CLASP1: variants seen among roughly 807,000 people sequenced by gnomAD.
CLASP1 encodes the protein CLIP-associating protein 1.
In CLASP1, 38 loss-of-function variants were observed where a neutral mutation model predicts 192.3. That is an observed-to-expected ratio of 0.20 (90% CI 0.15 to 0.26). The LOEUF (loss-of-function observed/expected upper bound fraction) is 0.26, where lower values mean the gene tolerates loss of function less well. Ranked by LOEUF, CLASP1 falls within the 10% of genes least tolerant of loss-of-function variation. The probability of loss-of-function intolerance (pLI) is 1.00; values close to 1 mark genes in which losing one functional copy is unlikely to be tolerated. For missense variants in CLASP1, 1,433 were observed against 1,932.5 expected (o/e 0.74, Z 4.85); for synonymous variants, 691 against 712.8 (o/e 0.97, Z 0.49).
At chr2:121,483,383 A>T (rs551077394) in intron 8 of CLASP1, among the ~76,000 whole-genome samples, 1 of 152,250 alleles carries the variant, frequency 6.6e-6, no homozygotes, top group African/African-American at 2.4e-5. Context: ...ATAAGTTCTT[A>T]CTTTAGGAAT....
At chr2:121,520,605 A>G (rs7608301) in intron 6 of CLASP1, among the ~76,000 whole-genome samples, 30,861 of 152,230 alleles carry the variant, frequency 0.2, 5,845 homozygotes, top group African/African-American at 0.5. Flanking sequence ...ACCAAACTCA[A>G]CAAGAGGGCC....
At chr2:121,369,451 T>C (rs1011762008) in intron 34 of CLASP1, among the ~76,000 whole-genome samples, 1 of 151,910 alleles carries the variant, frequency 6.6e-6, no homozygotes, top group African/African-American at 2.4e-5. Flanking sequence ...ACCATTATAA[T>C]GAAAAATTAT....
chr2:121,366,508 C>T (rs2067438877), intron 35 of CLASP1, among the ~76,000 whole-genome samples: 1 of 152,156 alleles, frequency 6.6e-6, no homozygotes, highest in Non-Finnish European at 1.5e-5. Flanking sequence ...TTCTTTGTGC[C>T]CCGACTGGAT....
intron 20 of CLASP1, among the ~76,000 whole-genome samples, chr2:121,428,006 A>G (rs900266150): frequency 6.6e-6 from 1 of 152,224 alleles, no homozygotes; most frequent in African/African-American, 2.4e-5. Context: ...TATTTAATTT[A>G]TATGCATAAG....
intron 34 of CLASP1, among the ~76,000 whole-genome samples, chr2:121,373,109 C>G (rs1286600765): frequency 1.3e-5 from 2 of 152,178 alleles, no homozygotes; most frequent in African/African-American, 2.4e-5. Flanking sequence ...CGGTGAGGAA[C>G]CTGGTGGGAG....
In CLASP1 at chr2:121,418,738, C is replaced by T; in HGVS notation, c.2213-9G>A. ...GATACGGCTGCTCCGTGCTAGCGTG[C>T]AGCATGAAGGGTTTCAGAGAAGGTG... On this transcript the variant is annotated splice_polypyrimidine_tract_variant and intron_variant, in intron 22 of 39. Transcript: ENST00000263710. 6.3e-7 allele frequency: 1 copy of T among 1,591,512 alleles called. No individual in the cohort carries two copies. Among genetic ancestry groups the T allele is most frequent in the Non-Finnish European group, 8.6e-7 (1 of 1,160,202 alleles).
At chr2:121,447,534 A>G (rs766238082) in intron 18 of CLASP1, 27 bp from the exon 19 acceptor site, 3 of 1,530,108 alleles carry the variant, frequency 2.0e-6, no homozygotes, top group South Asian at 2.4e-5. Context: ...GGAAATATGA[A>G]TAAGGACTAC....
At chr2:121,377,230 C>G (rs953237845) in intron 34 of CLASP1, among the ~76,000 whole-genome samples, 4 of 151,976 alleles carry the variant, frequency 2.6e-5, no homozygotes, top group African/African-American at 9.7e-5. Flanking sequence ...TCAATGTTCC[C>G]AACATAAAGA....
intron 2 of CLASP1, among the ~76,000 whole-genome samples, chr2:121,571,867 G>A (rs2060006115): frequency 1.3e-5 from 2 of 152,076 alleles, no homozygotes; most frequent in Non-Finnish European, 2.9e-5. Context: ...AGGTGTTTGG[G>A]CTTTCTTGTT....
At chr2:121,413,039 C>T (rs1006582013) in intron 23 of CLASP1, among the ~76,000 whole-genome samples, 1 of 152,098 alleles carries the variant, frequency 6.6e-6, no homozygotes, top group Non-Finnish European at 1.5e-5. Context: ...GGGTAAATCG[C>T]TTGAGCCCAA....
intron 19 of CLASP1, 55 bp from the exon 20 acceptor site, chr2:121,430,232 C>T (rs911856624): frequency 7.4e-7 from 1 of 1,358,610 alleles, no homozygotes; most frequent in Non-Finnish European, 1.0e-6. Context: ...GTGCCACCTC[C>T]TCAAGAAAAG....
At chr2:121,556,498 C>T (rs898954738) in intron 2 of CLASP1, among the ~76,000 whole-genome samples, 4 of 152,244 alleles carry the variant, frequency 2.6e-5, no homozygotes, top group East Asian at 3.9e-4. Context: ...AGACTCCTTC[C>T]GCTCTCTGCA....
intron 34 of CLASP1, among the ~76,000 whole-genome samples, chr2:121,375,008 G>A (rs1285573830): frequency 6.6e-6 from 1 of 152,114 alleles, no homozygotes; most frequent in African/African-American, 2.4e-5. Flanking sequence ...ATGAGATATG[G>A]GAGGGGCCGG....
intron 2 of CLASP1, chr2:121,530,701 C>T (rs1015201293): frequency 2.5e-5 from 13 of 516,762 alleles, no homozygotes; most frequent in African/African-American, 2.1e-4. Flanking sequence ...AAAACCGAGC[C>T]GCCGCTTTTG....
chr2:121,510,001 TG>T (rs1559475209), intron 7 of CLASP1, among the ~76,000 whole-genome samples: 1 of 151,398 alleles, frequency 6.6e-6, no homozygotes, highest in African/African-American at 2.4e-5. Flanking sequence ...AACTCAAAAA[TG>T]AAAACAAAAA....
intron 4 of CLASP1, among the ~76,000 whole-genome samples, 165 bp from the exon 5 acceptor site, chr2:121,528,055 C>T (rs991960554): frequency 6.6e-6 from 1 of 152,226 alleles, no homozygotes; most frequent in African/African-American, 2.4e-5. Context: ...TGACATCTAT[C>T]ATGTTATCAA....
At chr2:121,364,063 T>A (rs1354051772) in intron 36 of CLASP1, 2 of 152,250 alleles carry the variant, frequency 1.3e-5, no homozygotes, top group East Asian at 1.9e-4. Flanking sequence ...TTGTTTTTTT[T>A]AAAAGTATTT....
chr2:121,530,753 G>A, intron 2 of CLASP1: 3 of 526,720 alleles, frequency 5.7e-6, no homozygotes, highest in Non-Finnish European at 3.4e-6. Context: ...TTGGGGTGTC[G>A]TCGAAAGCTG....
chr2:121,387,654 C>T, intron 31 of CLASP1, 109 bp downstream of exon 32: 1 of 1,104,956 alleles, frequency 9.1e-7, no homozygotes. Flanking sequence ...CTCGACATTT[C>T]CTGAAAGAGG....
Sources: allele counts gnomAD v4.1 joint callset (sites outside exome capture counted in the v4.1 genomes callset), GRCh38; gene constraint gnomAD v4.1.1; transcripts MANE v1.5; gene names NCBI Gene and HGNC (gene_info 2026-07-23, HGNC 2026-07-21).